PCDH11X: variants seen among roughly 807,000 people sequenced by gnomAD.
PCDH11X encodes protocadherin-11 X-linked.
Under a neutral mutation model 53.3 loss-of-function variants are expected in PCDH11X, and 18 were observed. The observed-to-expected ratio is 0.34, with a 90% CI of 0.23 to 0.50. The LOEUF (loss-of-function observed/expected upper bound fraction) is 0.50, where lower values mean the gene tolerates loss of function less well. Among genes scored for constraint, PCDH11X ranks in the 20% least tolerant of loss-of-function variants. The pLI, the probability that PCDH11X is intolerant of heterozygous loss-of-function variation, is 0.98. For missense variants in PCDH11X, 570 were observed against 1,032.4 expected, an observed-to-expected ratio of 0.55 and a Z score of 6.14; for synonymous variants, 279 against 393.3, an observed-to-expected ratio of 0.71 and a Z score of 3.44.
intron 8 of PCDH11X, among the ~76,000 whole-genome samples, chrX:92,324,298 T>G (rs750374075): frequency 8.9e-6 from 1 of 111,792 alleles, no homozygotes; most frequent in South Asian, 3.8e-4. Flanking sequence ...TGGTCTTCTG[T>G]GTAAACCTGA....
intron 8 of PCDH11X, among the ~76,000 whole-genome samples, chrX:92,297,394 T>A (rs2068630206): frequency 9.2e-6 from 1 of 108,120 alleles, no homozygotes; most frequent in African/African-American, 3.4e-5. Context: ...CACTATTTAT[T>A]GAATAGAGAG....
At chrX:92,204,229 A>G (rs1486158748) in intron 7 of PCDH11X, among the ~76,000 whole-genome samples, 1 of 112,182 alleles carries the variant, frequency 8.9e-6, no homozygotes, top group East Asian at 2.8e-4. Flanking sequence ...CTCATTACTT[A>G]TGCAAATTTC....
intron 8 of PCDH11X, among the ~76,000 whole-genome samples, chrX:92,360,706 A>G (rs2070325955): frequency 1.8e-5 from 2 of 111,218 alleles, no homozygotes; most frequent in South Asian, 7.3e-4. Flanking sequence ...AAGACATTGC[A>G]TACAACTAAA....
At chrX:91,970,454 T>G (rs2061941905) in intron 6 of PCDH11X, among the ~76,000 whole-genome samples, 1 of 111,230 alleles carries the variant, frequency 9.0e-6, no homozygotes, top group African/African-American at 3.3e-5. Context: ...CCAAGTCCCC[T>G]ACCCGATTAG....
chrX:91,927,477 C>T (rs1319537356), intron 6 of PCDH11X, among the ~76,000 whole-genome samples: 2 of 110,416 alleles, frequency 1.8e-5, no homozygotes, highest in East Asian at 5.8e-4. Context: ...AGGAATCCAG[C>T]CTTTTAGCCT....
intron 6 of PCDH11X, among the ~76,000 whole-genome samples, chrX:91,884,365 A>G (rs1310008494): frequency 9.0e-6 from 1 of 110,891 alleles, no homozygotes; most frequent in Admixed American, 9.7e-5. Context: ...TTCTTATATT[A>G]CGAAACATAA....
At chrX:92,207,935 C>T (rs188698125) in intron 7 of PCDH11X, among the ~76,000 whole-genome samples, 38 of 110,540 alleles carry the variant, frequency 3.4e-4, no homozygotes, top group African/African-American at 1.3e-3. Context: ...GGTGGCTCAC[C>T]CCTATAATCC....
intron 7 of PCDH11X, among the ~76,000 whole-genome samples, chrX:92,259,085 G>C (rs2067659990): frequency 9.1e-6 from 1 of 110,153 alleles, no homozygotes; most frequent in Non-Finnish European, 1.9e-5. Flanking sequence ...CAGTAATTTG[G>C]TCACAACAAT....
chrX:91,996,132 C>T (rs1397842614), intron 6 of PCDH11X, among the ~76,000 whole-genome samples: 12 of 99,643 alleles, frequency 1.2e-4, no homozygotes, highest in African/African-American at 3.0e-4. Flanking sequence ...TGAGCCACCA[C>T]GCCTGGCCTT....
chrX:91,930,994 G>T (rs1942115374), intron 6 of PCDH11X, among the ~76,000 whole-genome samples: 1 of 110,791 alleles, frequency 9.0e-6, no homozygotes, highest in Non-Finnish European at 1.9e-5. Flanking sequence ...AGATTTAAAA[G>T]CACCTGTAAT....
At chrX:92,490,284 A>T in intron 10 of PCDH11X, among the ~76,000 whole-genome samples, 1 of 109,426 alleles carries the variant, frequency 9.1e-6, no homozygotes. Context: ...TCAACTAATT[A>T]TATGATTTGT....
chrX:92,134,044 A>G, intron 6 of PCDH11X, among the ~76,000 whole-genome samples: 2 of 111,902 alleles, frequency 1.8e-5, no homozygotes, highest in Middle Eastern at 9.3e-3. Context: ...ATAGGTAGAT[A>G]AGAGACAAAC....
intron 9 of PCDH11X, chrX:92,460,233 T>C (rs12835244): frequency 0.081 from 72,858 of 895,263 alleles, 2,403 homozygotes; most frequent in South Asian, 0.12. Context: ...AGGTCATTGA[T>C]GACACCAATG....
At chrX:92,572,290 T>C (rs930601161) in intron 10 of PCDH11X, among the ~76,000 whole-genome samples, 6 of 110,352 alleles carry the variant, frequency 5.4e-5, no homozygotes, top group Admixed American at 3.9e-4. Flanking sequence ...TCTTATGTAA[T>C]GGATGTGAGC....
chrX:92,350,614 TC>T (rs1440415382), intron 8 of PCDH11X, among the ~76,000 whole-genome samples: 1 of 111,728 alleles, frequency 9.0e-6, no homozygotes, highest in Non-Finnish European at 1.9e-5. Context: ...GTCTCCCAGG[TC>T]CTGTAGGAGC....
At chrX:92,585,373 CT>C (rs1273543624) in intron 10 of PCDH11X, among the ~76,000 whole-genome samples, 101 of 92,354 alleles carry the variant, frequency 1.1e-3, no homozygotes, top group East Asian at 2.7e-3. Context: ...CTTTCTTTTT[CT>C]TTTTTTTTTT....
At chrX:92,491,498 C>A (rs1183013960) in intron 10 of PCDH11X, among the ~76,000 whole-genome samples, 1 of 109,765 alleles carries the variant, frequency 9.1e-6, no homozygotes, top group Non-Finnish European at 1.9e-5. Context: ...TTTTGTACAC[C>A]TCTGCGTAGT....
At chrX:91,787,378 C>A (rs1254892868) in intron 1 of PCDH11X, among the ~76,000 whole-genome samples, 2 of 110,918 alleles carry the variant, frequency 1.8e-5, no homozygotes, top group Non-Finnish European at 3.8e-5. Flanking sequence ...ATATTAAGCC[C>A]CCAAAATTCA....
intron 5 of PCDH11X, among the ~76,000 whole-genome samples, chrX:91,859,733 G>GT (rs60762954): frequency 0.31 from 30,396 of 98,482 alleles, 4,075 homozygotes; most frequent in African/African-American, 0.46. Context: ...CCCATTGCTT[G>GT]TTTTTTTTTT....
Sources: allele counts gnomAD v4.1 joint callset (sites outside exome capture counted in the v4.1 genomes callset), GRCh38; gene constraint gnomAD v4.1.1; transcripts MANE v1.5; gene names NCBI Gene and HGNC (gene_info 2026-07-23, HGNC 2026-07-21).